Variants in SNAP25 observed in about 807,000 individuals in gnomAD.
The protein encoded by SNAP25 is synaptosome associated protein 25.
Under a neutral mutation model 28.7 loss-of-function variants are expected in SNAP25, and 3 were observed. The observed-to-expected ratio is 0.10, with a 90% CI of 0.05 to 0.27. SNAP25 has a LOEUF of 0.27. SNAP25 is among the 10% of genes least tolerant of loss of function. SNAP25 has a pLI of 1.00. For synonymous variants in SNAP25, 61 were observed against 88.1 expected (o/e 0.69, Z 1.72); for missense variants, 117 against 278.7 (o/e 0.42, Z 4.13).
intron 1 of SNAP25, among the ~76,000 whole-genome samples, chr20:10,255,283 A>T (rs1004003777): frequency 6.6e-6 from 1 of 152,362 alleles, no homozygotes; most frequent in East Asian, 1.9e-4. Context: ...TTAAACGGCC[A>T]TCAAACGATG....
At chr20:10,288,180 T>A (rs890512120) in intron 4 of SNAP25, among the ~76,000 whole-genome samples, 7 of 151,988 alleles carry the variant, frequency 4.6e-5, no homozygotes, top group African/African-American at 9.6e-5. Context: ...TAAAAAAATT[T>A]AAAAAATAAA....
At chr20:10,267,621 T>C (rs867212243) in intron 1 of SNAP25, among the ~76,000 whole-genome samples, 21 of 152,300 alleles carry the variant, frequency 1.4e-4, no homozygotes, top group African/African-American at 4.1e-4. Context: ...GGCATGATCT[T>C]GGCTCACTAC....
In SNAP25 at chr20:10,293,382, A is replaced by T; in HGVS notation, c.281+104A>T. ...CTCATAGGCAGGATGAGCATGTGGC[A>T]TGCAGAACAGATCAATACCGTCTCC... On this transcript the variant is annotated intron_variant, in intron 5 of 7. Coordinates refer to ENST00000254976, the MANE Select transcript of SNAP25 (RefSeq NM_130811.4). This position sits in a 1 kb window ranked among gnomAD's most constrained non-coding sequence, Gnocchi z 5.6. 1.2e-6 allele frequency: 1 copy of T among 816,960 alleles called. No individual in the cohort carries two copies. The highest frequency in any genetic ancestry group is 2.1e-6 in the Non-Finnish European group (1 of 476,784). The allele number at this position is 816,960 out of a possible 1,614,324, so 50.6% of individuals were successfully genotyped here.
At chr20:10,233,262 T>A (rs2062857621) in intron 1 of SNAP25, among the ~76,000 whole-genome samples, 10 of 152,058 alleles carry the variant, frequency 6.6e-5, no homozygotes, top group African/African-American at 2.4e-4. Flanking sequence ...AAACCAAAGA[T>A]TCTGTCACAG....
intron 1 of SNAP25, among the ~76,000 whole-genome samples, chr20:10,254,437 G>T (rs1313101925): frequency 6.6e-6 from 1 of 152,080 alleles, no homozygotes; most frequent in Admixed American, 6.6e-5. Flanking sequence ...TCTCCCCCCA[G>T]AGCATTCCCT....
intron 1 of SNAP25, among the ~76,000 whole-genome samples, chr20:10,252,214 G>C (rs1227481996): frequency 6.6e-6 from 1 of 152,224 alleles, no homozygotes; most frequent in African/African-American, 2.4e-5. Flanking sequence ...CTATATGTCA[G>C]AGATTTACTT....
chr20:10,236,207 T>C (rs891801367), intron 1 of SNAP25, among the ~76,000 whole-genome samples: 2 of 152,092 alleles, frequency 1.3e-5, no homozygotes, highest in South Asian at 2.1e-4. Flanking sequence ...CCCATAGACC[T>C]TGGAGCCCTC....
At chr20:10,291,432 G>A (rs1370277311) in intron 4 of SNAP25, among the ~76,000 whole-genome samples, 2 of 152,070 alleles carry the variant, frequency 1.3e-5, no homozygotes, top group African/African-American at 4.8e-5. Context: ...TTCGGCAAAA[G>A]TTCTCCTGCA....
intron 1 of SNAP25, 92 bp from the exon 2 acceptor site, chr20:10,275,325 TGAGTCATGTGGA>T (rs2063672714): frequency 2.4e-6 from 1 of 422,564 alleles, no homozygotes; most frequent in Non-Finnish European, 4.2e-6. Flanking sequence ...ATCAGAAAAC[TGAGTCATGTGGA>T]CTGAGTATGG....
At chr20:10,304,488 G>A (rs377146259) in intron 7 of SNAP25, among the ~76,000 whole-genome samples, 36 of 152,068 alleles carry the variant, frequency 2.4e-4, no homozygotes, top group East Asian at 1.9e-4. Flanking sequence ...TACTGTATTC[G>A]TATGATAAAG....
At chr20:10,267,201 A>T (rs2122940554) in intron 1 of SNAP25, among the ~76,000 whole-genome samples, 1 of 152,292 alleles carries the variant, frequency 6.6e-6, no homozygotes, top group Admixed American at 6.5e-5. Context: ...ATAACAAAGA[A>T]CATACTATAT....
At chr20:10,228,292 T>C (rs1461228204) in intron 1 of SNAP25, among the ~76,000 whole-genome samples, 2 of 152,126 alleles carry the variant, frequency 1.3e-5, no homozygotes, top group East Asian at 3.9e-4. Context: ...TTCCTTTATT[T>C]TCCATGGCAG....
intron 1 of SNAP25, among the ~76,000 whole-genome samples, chr20:10,248,352 C>A (rs1197238005): frequency 6.6e-6 from 1 of 151,940 alleles, no homozygotes; most frequent in South Asian, 2.1e-4. Flanking sequence ...GTGTTTTTTT[C>A]TGATTATAAA....
At chr20:10,276,670 T>C (rs1162124389) in intron 2 of SNAP25, among the ~76,000 whole-genome samples, 1 of 152,250 alleles carries the variant, frequency 6.6e-6, no homozygotes, top group Non-Finnish European at 1.5e-5. Context: ...TGGTTAGCTG[T>C]AGACACAAAA....
In SNAP25 at chr20:10,255,683, G is replaced by A. The variant is rs363056; in HGVS notation, c.-63-19746G>A. 3.4e-3 allele frequency among the ~76,000 whole-genome samples: 520 copies of A among 152,276 alleles called. 3 individuals are homozygous for A. Among genetic ancestry groups the A allele is most frequent in the African/African-American group, 0.012 (479 of 41,546 alleles). On this transcript the variant is annotated intron_variant, in intron 1 of 7. Transcript: ENST00000254976. ...TTTTCTGTGATTTAACACAGGAATC[G>A]TGGGTTAGAAGATTTGTGTCCTCCA...
intron 3 of SNAP25, among the ~76,000 whole-genome samples, chr20:10,282,913 TGAAATGTCTTTTGTAGTCTA>T (rs1385540007): frequency 6.6e-6 from 1 of 152,226 alleles, no homozygotes. Flanking sequence ...GAAAATATTT[TGAAATGTCTTTTGTAGTCTA>T]GAATCTTGCT....
chr20:10,260,724 A>ACACACACACACAAAC (rs1568597310), intron 1 of SNAP25, among the ~76,000 whole-genome samples: 9 of 78,482 alleles, frequency 1.1e-4, no homozygotes, highest in African/African-American at 3.3e-4. Context: ...CACACACACA[A>ACACACACACACAAAC]ACACACACAC....
At chr20:10,259,775 A>T (rs1159550308) in intron 1 of SNAP25, among the ~76,000 whole-genome samples, 1 of 152,142 alleles carries the variant, frequency 6.6e-6, no homozygotes, top group Non-Finnish European at 1.5e-5. Flanking sequence ...GGCCTCAAGC[A>T]ATCCTCCTGC....
chr20:10,234,463 A>G (rs1344914565), intron 1 of SNAP25, among the ~76,000 whole-genome samples: 1 of 152,198 alleles, frequency 6.6e-6, no homozygotes, highest in Non-Finnish European at 1.5e-5. Context: ...AAAATCGTTA[A>G]TCTGAAATGC....
Sources: gnomAD v4.1 joint callset for allele counts (sites outside exome capture counted in the v4.1 genomes callset) on GRCh38, gnomAD v4.1.1 for gene constraint, Gnocchi (gnomAD v3.1) non-coding constraint, MANE v1.5 for transcripts, NCBI Gene and HGNC (gene_info 2026-07-23, HGNC 2026-07-21) for gene names.